EYS: variants seen among roughly 807,000 people sequenced by gnomAD.
The protein encoded by EYS is protein eyes shut homolog.
In EYS, 250 loss-of-function variants were observed where a neutral mutation model predicts 282.1. The ratio of observed to expected loss-of-function variants is 0.89; its 90% CI spans 0.80 to 0.98. The LOEUF is 0.98. Among genes scored for constraint, EYS ranks in the 50% least tolerant of loss-of-function variants. The pLI is 0.00. For synonymous variants in EYS, 1,355 were observed against 1,282.9 expected (o/e 1.06, Z -1.20); for missense variants, 4,016 against 3,709.0 (o/e 1.08, Z -2.15).
intron 31 of EYS, among the ~76,000 whole-genome samples, chr6:64,182,312 C>T (rs949462016): frequency 6.6e-6 from 1 of 152,026 alleles, no homozygotes; most frequent in Non-Finnish European, 1.5e-5. Context: ...CTTTTCTTTC[C>T]TCAAAATTAT....
chr6:64,805,046 G>T (rs1314922998), intron 22 of EYS, among the ~76,000 whole-genome samples: 2 of 151,908 alleles, frequency 1.3e-5, no homozygotes, highest in Non-Finnish European at 2.9e-5. Context: ...ATAATTAGAT[G>T]AACCATGAAA....
chr6:64,066,632 A>G, intron 32 of EYS, 141 bp from the exon 33 acceptor site: 2 of 619,162 alleles, frequency 3.2e-6, no homozygotes, highest in Admixed American at 5.9e-5. Context: ...ATTCAGTGTA[A>G]TAAGTACCAT....
intron 30 of EYS, among the ~76,000 whole-genome samples, chr6:64,258,738 C>T (rs529659485): frequency 6.6e-5 from 10 of 152,116 alleles, no homozygotes; most frequent in Admixed American, 1.3e-4. Flanking sequence ...CTTTTTTAAA[C>T]GTAAAGTTCA....
intron 35 of EYS, among the ~76,000 whole-genome samples, chr6:63,966,972 T>C (rs1398817767): frequency 1.3e-5 from 2 of 152,188 alleles, no homozygotes; most frequent in African/African-American, 4.8e-5. Flanking sequence ...ATATTTTCCT[T>C]TTGGTACATA....
At chr6:65,496,605 T>A (rs1030066159) in intron 2 of EYS, among the ~76,000 whole-genome samples, 1 of 152,062 alleles carries the variant, frequency 6.6e-6, no homozygotes, top group Non-Finnish European at 1.5e-5. Flanking sequence ...TTCAAATAGG[T>A]ACACCAGGGA....
intron 2 of EYS, among the ~76,000 whole-genome samples, chr6:65,546,080 C>A (rs561386778): frequency 6.7e-6 from 1 of 148,980 alleles, no homozygotes; most frequent in African/African-American, 2.5e-5. Flanking sequence ...AGTGTAGTGG[C>A]GTGATCATGA....
At chr6:64,454,497 G>C (rs138226179) in intron 26 of EYS, among the ~76,000 whole-genome samples, 1 of 151,998 alleles carries the variant, frequency 6.6e-6, no homozygotes, top group Admixed American at 6.6e-5. Context: ...CTTGACCCTT[G>C]AACAACATGA....
intron 2 of EYS, among the ~76,000 whole-genome samples, chr6:65,616,542 C>T (rs1035754409): frequency 1.3e-5 from 2 of 152,050 alleles, no homozygotes; most frequent in East Asian, 3.9e-4. Flanking sequence ...AATCCTAGCA[C>T]TTTGGGAGGC....
rs115644984 is a variant in EYS, at chr6:65,199,705, G to A, written c.2023+96158C>T. Among the ~76,000 whole-genome samples the A allele has an allele frequency of 4.3e-3, 654 of 152,232 alleles. 8 individuals are homozygous for A. The highest frequency in any genetic ancestry group is 0.015 in the African/African-American group (611 of 41,554). ...AATCATCTGAGTTCCATCTTGGAGA[G>A]ATAGTAGGATTTTCTAAGAAAGGAG... is the stretch of plus-strand genomic sequence containing the variant. On this transcript the variant is annotated intron_variant, in intron 12 of 42. Coordinates refer to ENST00000503581, the MANE Select transcript of EYS (RefSeq NM_001142800.2).
intron 12 of EYS, among the ~76,000 whole-genome samples, chr6:65,271,452 C>A (rs1393698365): frequency 6.6e-6 from 1 of 151,940 alleles, no homozygotes; most frequent in African/African-American, 2.4e-5. Context: ...CTGGGGAGGG[C>A]CACATGCTTT....
At chr6:65,333,857 T>C (rs1172324928) in intron 11 of EYS, among the ~76,000 whole-genome samples, 5 of 151,616 alleles carry the variant, frequency 3.3e-5, no homozygotes, top group Admixed American at 2.0e-4. Context: ...AAAATCTATT[T>C]TTTCCCTGAT....
intron 26 of EYS, among the ~76,000 whole-genome samples, chr6:64,497,567 G>A (rs1163050836): frequency 6.6e-6 from 1 of 152,024 alleles, no homozygotes; most frequent in African/African-American, 2.4e-5. Flanking sequence ...AAAGTATAGG[G>A]GAAGAGGTAT....
At chr6:64,685,049 T>C (rs1318067444) in intron 22 of EYS, among the ~76,000 whole-genome samples, 1 of 152,034 alleles carries the variant, frequency 6.6e-6, no homozygotes, top group African/African-American at 2.4e-5. Context: ...ACTTTAAATA[T>C]AAAATGTTGA....
intron 1 of EYS, among the ~76,000 whole-genome samples, chr6:65,699,619 T>G (rs1582617381): frequency 6.6e-6 from 1 of 152,248 alleles, no homozygotes; most frequent in African/African-American, 2.4e-5. Context: ...CAAGGAGATT[T>G]TTAACTGATG....
Position 65,391,046 on chromosome 6 carries a change from T to C in EYS, c.1185-6546A>G, listed in dbSNP as rs1222153523. Among the ~76,000 whole-genome samples, 3 of 152,124 alleles carry C rather than the reference T, an allele frequency of 2.0e-5. No homozygotes were observed. In the South Asian group the frequency reaches 6.2e-4, roughly 32 times the overall value. On this transcript the variant is annotated intron_variant, in intron 7 of 42. Coordinates refer to ENST00000503581, the MANE Select transcript of EYS (RefSeq NM_001142800.2). ...GGGCTAAGGTTCCTTTAATCAGGTA[T>C]GCCAGGAAGACTTAAAGATTTCATG...
chr6:64,672,466 T>A (rs1486917226), intron 22 of EYS, among the ~76,000 whole-genome samples: 1 of 152,150 alleles, frequency 6.6e-6, no homozygotes, highest in African/African-American at 2.4e-5. Context: ...GATTTGAACC[T>A]CCCTCAAGCC....
chr6:64,942,208 T>A (rs1334401206), intron 15 of EYS, among the ~76,000 whole-genome samples: 1 of 150,844 alleles, frequency 6.6e-6, no homozygotes, highest in African/African-American at 2.4e-5. Context: ...CTCTGATTAA[T>A]GATGTTGAGC....
chr6:65,191,215 A>C (rs1765633923), intron 12 of EYS, among the ~76,000 whole-genome samples: 3 of 151,856 alleles, frequency 2.0e-5, no homozygotes, highest in South Asian at 4.1e-4. Context: ...ACTTTCTCTG[A>C]ATTAGAATGA....
chr6:64,058,401 C>A (rs900082483), intron 33 of EYS, among the ~76,000 whole-genome samples: 1 of 152,046 alleles, frequency 6.6e-6, no homozygotes, highest in East Asian at 1.9e-4. Flanking sequence ...AAGTTTTTCA[C>A]AATAAAGTCT....
Sources: allele counts gnomAD v4.1 joint callset (sites outside exome capture counted in the v4.1 genomes callset), GRCh38; gene constraint gnomAD v4.1.1; transcripts MANE v1.5; gene names NCBI Gene and HGNC (gene_info 2026-07-23, HGNC 2026-07-21).